The following TIAM1 variants were observed in gnomAD, a reference collection of about 807,000 sequenced individuals.
The protein encoded by TIAM1 is TIAM Rac1 associated GEF 1.
In TIAM1, 65 loss-of-function variants were observed where a neutral mutation model predicts 163.5. The ratio of observed to expected loss-of-function variants is 0.40; its 90% confidence interval spans 0.33 to 0.49. The LOEUF (loss-of-function observed/expected upper bound fraction) is 0.49, where lower values mean the gene tolerates loss of function less well. Ranked by LOEUF, TIAM1 falls within the 20% of genes least tolerant of loss-of-function variation. TIAM1 has a pLI of 0.77. For missense variants in TIAM1, 1,789 were observed against 2,044.7 expected, an observed-to-expected ratio of 0.87 and a Z score of 2.41; for synonymous variants, 833 against 810.1, an observed-to-expected ratio of 1.03 and a Z score of -0.48.
chr21:31,394,694 T>TCTCTCTCTCG (rs1159701267), intron 2 of TIAM1, among the ~76,000 whole-genome samples: 1 of 128,980 alleles, frequency 7.8e-6, no homozygotes, highest in African/African-American at 3.1e-5. Flanking sequence ...TCATTCTCTC[T>TCTCTCTCTCG]CTCTCTCTCT....
intron 15 of TIAM1, among the ~76,000 whole-genome samples, chr21:31,167,729 A>G (rs1422890051): frequency 6.6e-6 from 1 of 152,154 alleles, no homozygotes; most frequent in East Asian, 1.9e-4. Flanking sequence ...CTGGCTCCTG[A>G]GCACCAAACG....
chr21:31,445,885 G>A (rs1011234267), intron 2 of TIAM1, among the ~76,000 whole-genome samples: 3 of 151,552 alleles, frequency 2.0e-5, no homozygotes, highest in Non-Finnish European at 4.4e-5. Context: ...GGGAAGGTTG[G>A]TTTCATGGTT....
chr21:31,265,942 G>A (rs2146813415), intron 4 of TIAM1, 68 bp downstream of exon 4: 5 of 1,554,024 alleles, frequency 3.2e-6, no homozygotes, highest in East Asian at 2.3e-5. Context: ...TCTTCTAAGA[G>A]CAAAGTCATG....
intron 2 of TIAM1, chr21:31,453,128 C>A: frequency 3.3e-6 from 1 of 306,456 alleles, no homozygotes; most frequent in South Asian, 3.9e-5. Flanking sequence ...TGAGGATTCT[C>A]CTGAAAAAAG....
chr21:31,262,262 G>A (rs2072520872), intron 4 of TIAM1, among the ~76,000 whole-genome samples: 1 of 152,152 alleles, frequency 6.6e-6, no homozygotes, highest in Non-Finnish European at 1.5e-5. Context: ...AAATAACCAA[G>A]AGGTAACAAC....
chr21:31,184,813 G>A (rs1340109987), intron 14 of TIAM1, among the ~76,000 whole-genome samples: 1 of 152,118 alleles, frequency 6.6e-6, no homozygotes, highest in Non-Finnish European at 1.5e-5. Flanking sequence ...GGAACAAGAA[G>A]GAAAATGCTC....
intron 2 of TIAM1, among the ~76,000 whole-genome samples, chr21:31,305,430 A>T (rs2074669583): frequency 6.6e-6 from 1 of 152,166 alleles, no homozygotes; most frequent in South Asian, 2.1e-4. Flanking sequence ...AATAAAAAAA[A>T]AAAAAAAACA....
At chr21:31,281,690 G>A (rs544457501) in intron 2 of TIAM1, among the ~76,000 whole-genome samples, 152 of 152,212 alleles carry the variant, frequency 1.0e-3, no homozygotes, top group South Asian at 2.5e-3. Flanking sequence ...GTGGATGGAT[G>A]GATGGATGGA....
chr21:31,356,433 G>A (rs1395364354), intron 2 of TIAM1, among the ~76,000 whole-genome samples: 2 of 152,120 alleles, frequency 1.3e-5, no homozygotes, highest in Admixed American at 1.3e-4. Flanking sequence ...CTGAATGTTT[G>A]TGTCCCCTCA....
intron 2 of TIAM1, among the ~76,000 whole-genome samples, chr21:31,358,937 C>T (rs2076358659): frequency 6.6e-6 from 1 of 152,218 alleles, no homozygotes; most frequent in Non-Finnish European, 1.5e-5. Flanking sequence ...TCTCTGTCCT[C>T]ATCTCCTGCT....
At chr21:31,363,397 C>A (rs1343841534) in intron 2 of TIAM1, among the ~76,000 whole-genome samples, 4 of 152,134 alleles carry the variant, frequency 2.6e-5, no homozygotes, top group African/African-American at 9.7e-5. Flanking sequence ...AACATTCTAA[C>A]AGGACCGGGA....
At chr21:31,446,685 A>C (rs2044636576) in intron 2 of TIAM1, among the ~76,000 whole-genome samples, 1 of 152,184 alleles carries the variant, frequency 6.6e-6, no homozygotes, top group Non-Finnish European at 1.5e-5. Context: ...AACAGGAAAT[A>C]GAACAAGAAA....
At chr21:31,362,586 CCT>C (rs2076427074) in intron 2 of TIAM1, among the ~76,000 whole-genome samples, 2 of 151,884 alleles carry the variant, frequency 1.3e-5, no homozygotes, top group Non-Finnish European at 2.9e-5. Context: ...CCTGCCTCAG[CCT>C]CCCGAGCAGC....
intron 2 of TIAM1, among the ~76,000 whole-genome samples, chr21:31,369,346 A>G (rs1467184523): frequency 1.3e-5 from 2 of 152,170 alleles, no homozygotes; most frequent in African/African-American, 2.4e-5. Context: ...TCAGATTCAT[A>G]TGCTGAAATC....
chr21:31,311,615 A>G (rs1372618262), intron 2 of TIAM1, among the ~76,000 whole-genome samples: 1 of 152,188 alleles, frequency 6.6e-6, no homozygotes, highest in African/African-American at 2.4e-5. Flanking sequence ...TCTCCTCACT[A>G]GCCTATTTAT....
chr21:31,152,892 G>A (rs1187095325), intron 18 of TIAM1, 131 bp from the exon 19 acceptor site: 4 of 1,386,098 alleles, frequency 2.9e-6, no homozygotes, highest in Non-Finnish European at 3.9e-6. Context: ...AGAGAGCGGG[G>A]CAGTTTTTTA....
intron 15 of TIAM1, among the ~76,000 whole-genome samples, chr21:31,174,089 T>C (rs2084652235): frequency 6.6e-6 from 1 of 152,212 alleles, no homozygotes; most frequent in Admixed American, 6.5e-5. Context: ...TCTGAAGCCC[T>C]GGACCATATT....
intron 1 of TIAM1, among the ~76,000 whole-genome samples, chr21:31,481,375 C>T (rs62221289): frequency 0.21 from 32,119 of 152,062 alleles, 3,470 homozygotes; most frequent in South Asian, 0.25. Context: ...TTTTTCCTCA[C>T]ACCAACCAAT....
intron 4 of TIAM1, among the ~76,000 whole-genome samples, chr21:31,265,108 C>T (rs1026485513): frequency 5.3e-5 from 8 of 152,018 alleles, no homozygotes; most frequent in Admixed American, 2.0e-4. Context: ...ACCAAGCCGG[C>T]TCAACTGCCC....
Sources: allele counts gnomAD v4.1 joint callset (sites outside exome capture counted in the v4.1 genomes callset), GRCh38; gene constraint gnomAD v4.1.1; transcripts MANE v1.5; gene names NCBI Gene and HGNC (gene_info 2026-07-23, HGNC 2026-07-21).